The following DOK5 variants were observed in gnomAD, a reference collection of about 807,000 sequenced individuals.
DOK5 encodes downstream of tyrosine kinase 5.
DOK5 carries 27 observed loss-of-function variants against 43.3 expected under a neutral mutation model. That is an observed-to-expected ratio of 0.62 (90% confidence interval 0.46 to 0.86). The LOEUF is 0.86. Ranked by LOEUF, DOK5 falls within the 40% of genes least tolerant of loss-of-function variation. The pLI is 0.00. For missense variants in DOK5, 373 were observed against 392.9 expected (o/e 0.95, Z 0.43); for synonymous variants, 146 against 140.1 (o/e 1.04, Z -0.30).
rs1985891098 is a variant in DOK5, at chr20:54,588,743, A to T, written c.346A>T (p.Ile116Phe). The T allele has an allele frequency of 2.5e-6, 4 of 1,613,972 alleles. No homozygotes were observed. Among genetic ancestry groups the T allele is most frequent in the African/African-American group, 2.7e-5 (2 of 74,896 alleles). Residue 116 changes from isoleucine to phenylalanine, a missense_variant, in exon 4 of 8, where the codon ATC (isoleucine) becomes TTC (phenylalanine). By Grantham distance (21) the Ile-to-Phe change is conservative. Coordinates refer to ENST00000262593, the MANE Select transcript of DOK5 (RefSeq NM_018431.5). ...CCAGATGGAGTGTGTAGGAACACGG[A>T]TCAATGACATCAGCCTTGGAGAGCC... is the stretch of plus-strand genomic sequence containing the variant. ...VLQMECVGTR[I>F]NDISLGEPDL...
chr20:54,513,462 C>CAAAAAAA, intron 1 of DOK5, among the ~76,000 whole-genome samples: 1 of 24,620 alleles, frequency 4.1e-5, no homozygotes, highest in African/African-American at 1.1e-4. Flanking sequence ...ATACTCTGAG[C>CAAAAAAA]AAAAAAAAAA....
intron 5 of DOK5, among the ~76,000 whole-genome samples, chr20:54,605,480 C>T (rs1331492125): frequency 6.6e-6 from 1 of 152,212 alleles, no homozygotes; most frequent in Admixed American, 6.5e-5. Context: ...GCCCCGCAGG[C>T]TACCCCTCTT....
chr20:54,644,741 G>A (rs1174508306), intron 7 of DOK5, among the ~76,000 whole-genome samples: 2 of 108,910 alleles, frequency 1.8e-5, no homozygotes, highest in Non-Finnish European at 4.1e-5. Flanking sequence ...TTAGCTGGGC[G>A]TGGTGGCATG....
intron 1 of DOK5, among the ~76,000 whole-genome samples, chr20:54,508,316 C>T (rs1982888049): frequency 6.6e-6 from 1 of 151,868 alleles, no homozygotes; most frequent in African/African-American, 2.4e-5. Context: ...CTCCCCACCA[C>T]ACATAAATAA....
chr20:54,548,229 T>TTTTATTTATTTATTTATTTA (rs10694715), intron 1 of DOK5, among the ~76,000 whole-genome samples: 2 of 149,326 alleles, frequency 1.3e-5, no homozygotes, highest in African/African-American at 5.1e-5. Context: ...ATTACCTATC[T>TTTTATTTATTTATTTATTTA]TTTATTTATT....
At chr20:54,476,827 G>A (rs900763813) in intron 1 of DOK5, among the ~76,000 whole-genome samples, 1 of 152,106 alleles carries the variant, frequency 6.6e-6, no homozygotes, top group Non-Finnish European at 1.5e-5. Flanking sequence ...TTGGCTCTTC[G>A]CTGGAGGAGG....
intron 1 of DOK5, among the ~76,000 whole-genome samples, chr20:54,547,305 T>C (rs996734794): frequency 2.0e-5 from 3 of 152,176 alleles, no homozygotes; most frequent in Non-Finnish European, 4.4e-5. Flanking sequence ...CCAACTCCTG[T>C]GGTAGATTAT....
intron 1 of DOK5, among the ~76,000 whole-genome samples, chr20:54,480,217 A>C (rs1203582748): frequency 1.3e-5 from 2 of 152,158 alleles, no homozygotes; most frequent in African/African-American, 4.8e-5. Flanking sequence ...ACTGAAACCT[A>C]CTGGGCTACA....
Position 54,548,511 on chromosome 20 carries a change from AC to A in DOK5, c.67-6421del. Among the ~76,000 whole-genome samples the A allele has an allele frequency of 1.3e-5, 2 of 152,288 alleles. 1 individual carries two copies. On this transcript the variant is annotated intron_variant, in intron 1 of 7. Transcript: ENST00000262593. ...CTGGGCCTCCCAATGTGCTGGAATT[AC>A]AGGCATGAGCCACTGCACCCAGCCA...
chr20:54,493,381 A>G (rs901198689), intron 1 of DOK5, among the ~76,000 whole-genome samples: 1 of 151,918 alleles, frequency 6.6e-6, no homozygotes, highest in African/African-American at 2.4e-5. Flanking sequence ...CCATCCTTAT[A>G]TGTGCTCTTC....
intron 6 of DOK5, among the ~76,000 whole-genome samples, chr20:54,641,710 AAT>A (rs1979126342): frequency 6.6e-6 from 1 of 152,142 alleles, no homozygotes; most frequent in Admixed American, 6.6e-5. Flanking sequence ...GAGCAACTAA[AAT>A]GACATTGCAC....
chr20:54,498,128 T>C (rs6023300), intron 1 of DOK5, among the ~76,000 whole-genome samples: 2,327 of 152,306 alleles, frequency 0.015, 52 homozygotes, highest in African/African-American at 0.053. Flanking sequence ...TTCATCCATA[T>C]GTAAATTAAT....
chr20:54,583,688 A>G (rs1985707005), intron 2 of DOK5, among the ~76,000 whole-genome samples: 1 of 152,048 alleles, frequency 6.6e-6, no homozygotes, highest in South Asian at 2.1e-4. Flanking sequence ...AATCTGATAT[A>G]AGTATTGCCA....
intron 4 of DOK5, among the ~76,000 whole-genome samples, chr20:54,590,578 T>G (rs1985948725): frequency 6.6e-6 from 1 of 152,138 alleles, no homozygotes; most frequent in East Asian, 1.9e-4. Flanking sequence ...TCAACAAATA[T>G]TTGTTTATTG....
At chr20:54,644,723 A>AAAAAACC (rs1555839841) in intron 7 of DOK5, among the ~76,000 whole-genome samples, 1 of 142,404 alleles carries the variant, frequency 7.0e-6, no homozygotes, top group African/African-American at 2.9e-5. Context: ...AAAAAAAAAA[A>AAAAAACC]ACAAAATTTA....
intron 1 of DOK5, among the ~76,000 whole-genome samples, chr20:54,510,835 C>T (rs545927148): frequency 5.3e-5 from 8 of 152,204 alleles, no homozygotes; most frequent in South Asian, 4.1e-4. Flanking sequence ...TTCACTCCTG[C>T]GCCTCTGGAG....
At chr20:54,644,712 A>AAAAAAAC (rs1555839793) in intron 7 of DOK5, among the ~76,000 whole-genome samples, 1 of 130,702 alleles carries the variant, frequency 7.7e-6, no homozygotes, top group East Asian at 2.3e-4. Context: ...TCTCAAAAAA[A>AAAAAAAC]AAAAAAAAAA....
At chr20:54,512,415 C>G (rs1407466784) in intron 1 of DOK5, among the ~76,000 whole-genome samples, 3 of 152,134 alleles carry the variant, frequency 2.0e-5, no homozygotes, top group Admixed American at 6.5e-5. Context: ...CTGACCTGGA[C>G]AGTTACAATT....
At chr20:54,538,084 G>A (rs116974458) in intron 1 of DOK5, among the ~76,000 whole-genome samples, 5,128 of 151,804 alleles carry the variant, frequency 0.034, 130 homozygotes, top group Non-Finnish European at 0.05. Flanking sequence ...TCCTCCTCCC[G>A]ACTCGGCCTC....
Sources: gnomAD v4.1 joint callset for allele counts (sites outside exome capture counted in the v4.1 genomes callset) on GRCh38, gnomAD v4.1.1 for gene constraint, MANE v1.5 for transcripts, NCBI Gene and HGNC (gene_info 2026-07-23, HGNC 2026-07-21) for gene names.